Variants in FAM135B observed in about 807,000 individuals in gnomAD.
FAM135B encodes the protein protein FAM135B.
In FAM135B, 43 loss-of-function variants were observed where a neutral mutation model predicts 127.7. That is an observed-to-expected ratio of 0.34 (90% CI 0.26 to 0.43). The LOEUF (loss-of-function observed/expected upper bound fraction) is 0.43. Ranked by LOEUF, FAM135B falls within the 20% of genes least tolerant of loss-of-function variation. The pLI is 1.00. For missense variants in FAM135B, 1,558 were observed against 1,725.6 expected (o/e 0.90, Z 1.72); for synonymous variants, 670 against 665.1 (o/e 1.01, Z -0.11).
At chr8:138,218,784 G>A (rs866419110) in intron 7 of FAM135B, among the ~76,000 whole-genome samples, 1 of 40,738 alleles carries the variant, frequency 2.5e-5, no homozygotes, top group Non-Finnish European at 6.0e-5. Context: ...GAGAGAGAGA[G>A]AGAGAGAGAG....
intron 13 of FAM135B, among the ~76,000 whole-genome samples, chr8:138,149,913 C>A (rs749500836): frequency 3.7e-4 from 57 of 152,296 alleles, no homozygotes; most frequent in Admixed American, 1.0e-3. Context: ...CCTGACCAGG[C>A]AGGCACTGGA....
chr8:138,446,978 T>C (rs937880963), intron 1 of FAM135B, among the ~76,000 whole-genome samples: 2 of 151,798 alleles, frequency 1.3e-5, no homozygotes, highest in South Asian at 2.1e-4. Flanking sequence ...AACAACCCCA[T>C]CAAAAAGTGG....
At chr8:138,338,471 A>G (rs1278405676) in intron 2 of FAM135B, among the ~76,000 whole-genome samples, 5 of 152,046 alleles carry the variant, frequency 3.3e-5, no homozygotes, top group Admixed American at 2.6e-4. Context: ...ACACTTCTCA[A>G]AAGAAGACAT....
rs199916118 is a variant in FAM135B at position 138,265,821 on chromosome 8, G to A, written c.179C>T (p.Ala60Val). 1 of 1,613,662 alleles carries A rather than the reference G, an allele frequency of 6.2e-7. No homozygotes were observed. The highest frequency in any genetic ancestry group is 1.1e-5 in the South Asian group (1 of 91,068). ...GTGCACGGTGCTGTCATGGACACAG[G>A]CTGAATGCAGGCTGCTGCTCTCTGC... ...GQTESSSLHS[A>V]CVHDSTVHSR... Residue 60 changes from alanine (A) to valine (V), a missense_variant, in exon 4 of 20, where the codon GCC (alanine) becomes GTC (valine). Around this residue, in one of 5 missense-constraint regions of FAM135B, gnomAD observed 199 missense variants for 245.7 expected, o/e 0.81. Coordinates refer to ENST00000395297, the MANE Select transcript of FAM135B (RefSeq NM_015912.4).
At chr8:138,478,181 G>T (rs1814602136) in intron 1 of FAM135B, among the ~76,000 whole-genome samples, 1 of 152,022 alleles carries the variant, frequency 6.6e-6, no homozygotes, top group Non-Finnish European at 1.5e-5. Flanking sequence ...GCATCTCAGG[G>T]TCTGTGTACC....
chr8:138,396,524 ATGCC>A (rs1832862606), intron 1 of FAM135B, among the ~76,000 whole-genome samples: 1 of 152,142 alleles, frequency 6.6e-6, no homozygotes, highest in Admixed American at 6.5e-5. Context: ...CTGTGAGCGA[ATGCC>A]TGATAAATAT....
chr8:138,299,452 C>T (rs1825714624), intron 3 of FAM135B, among the ~76,000 whole-genome samples: 1 of 152,120 alleles, frequency 6.6e-6, no homozygotes, highest in Admixed American at 6.5e-5. Context: ...GAACTGACAC[C>T]CACTCACCAG....
chr8:138,478,332 T>G (rs1427018105), intron 1 of FAM135B, among the ~76,000 whole-genome samples: 1 of 152,160 alleles, frequency 6.6e-6, no homozygotes, highest in Admixed American at 6.6e-5. Flanking sequence ...GTCCTTGGAA[T>G]GCCTTTTTCC....
rs1051073904 is a variant in FAM135B, at chr8:138,241,131, C to T, written c.669+1811G>A. 7.2e-5 allele frequency among the ~76,000 whole-genome samples: 11 copies of T among 152,124 alleles called. No individual in the cohort carries two copies. The highest frequency in any genetic ancestry group is 2.1e-4 in the South Asian group (1 of 4,820). The stretch of plus-strand genomic sequence containing the variant: ...ATGTAGTCACAGCAAAGGCTTCGGC[C>T]GACCACGGGGAGCTTTGCCTCAGTG... On this transcript the variant is annotated intron_variant, in intron 7 of 19. Transcript: ENST00000395297. This position sits in a 1 kb window ranked among gnomAD's most constrained non-coding sequence, Gnocchi z 4.8.
chr8:138,145,824 C>G (rs1586592256), intron 15 of FAM135B, 135 bp downstream of exon 15: 1 of 561,972 alleles, frequency 1.8e-6, no homozygotes, highest in Admixed American at 3.3e-5. Flanking sequence ...CCAACCCATC[C>G]AAATGCCTGG....
At chr8:138,424,827 A>C (rs1427348999) in intron 1 of FAM135B, among the ~76,000 whole-genome samples, 1 of 152,158 alleles carries the variant, frequency 6.6e-6, no homozygotes, top group Admixed American at 6.5e-5. Context: ...AACTTTCAGG[A>C]TTCCATTTTG....
At chr8:138,175,209 A>G (rs765911367) in intron 11 of FAM135B, among the ~76,000 whole-genome samples, 3 of 152,096 alleles carry the variant, frequency 2.0e-5, no homozygotes, top group African/African-American at 4.8e-5. Context: ...ACACAATCCA[A>G]AGTCTTTTCC....
chr8:138,384,200 T>C (rs1180556513), intron 1 of FAM135B, among the ~76,000 whole-genome samples: 1 of 152,130 alleles, frequency 6.6e-6, no homozygotes, highest in Non-Finnish European at 1.5e-5. Context: ...CATGCAGGAT[T>C]AGCTTGATGT....
chr8:138,343,917 C>T (rs1049359378), intron 2 of FAM135B, among the ~76,000 whole-genome samples: 2 of 152,168 alleles, frequency 1.3e-5, no homozygotes, highest in Non-Finnish European at 2.9e-5. Context: ...CCTTTCTTTC[C>T]ATGGCCCTTC....
intron 1 of FAM135B, among the ~76,000 whole-genome samples, chr8:138,424,070 G>T (rs1834694581): frequency 6.6e-6 from 1 of 152,076 alleles, no homozygotes; most frequent in African/African-American, 2.4e-5. Context: ...AAGGTGCCCA[G>T]ATTTCATATT....
chr8:138,256,560 T>C, intron 5 of FAM135B, 129 bp downstream of exon 5: 4 of 742,980 alleles, frequency 5.4e-6, no homozygotes, highest in South Asian at 1.8e-5. Context: ...TCAGGGACAT[T>C]GCAGCTTATC....
At chr8:138,136,520 T>C (rs1487486371) in intron 19 of FAM135B, among the ~76,000 whole-genome samples, 1 of 152,178 alleles carries the variant, frequency 6.6e-6, no homozygotes. Context: ...ATGCAGGAAT[T>C]TTTTGTACTG....
Position 138,348,734 on chromosome 8 carries a change from A to T in FAM135B, c.77+19173T>A, listed in dbSNP as rs989537048. On this transcript the variant is annotated intron_variant, in intron 2 of 19. Transcript: ENST00000395297. ...CAGTCTTAGTTCTGGACTTAAGAGA[A>T]ACTAAGAGTGAATCCAATTGATCTT... 1.4e-4 allele frequency among the ~76,000 whole-genome samples: 22 copies of T among 152,252 alleles called. 1 individual carries two copies. The highest frequency in any genetic ancestry group is 1.0e-3 in the Admixed American group (16 of 15,288).
chr8:138,139,174 T>C (rs1816914312), intron 17 of FAM135B, 78 bp from the exon 18 acceptor site: 1 of 822,212 alleles, frequency 1.2e-6, no homozygotes, highest in African/African-American at 1.9e-5. Flanking sequence ...TTTGGTGAGA[T>C]GAACGTTAAA....
Sources: allele counts gnomAD v4.1 joint callset (sites outside exome capture counted in the v4.1 genomes callset), GRCh38; gene constraint gnomAD v4.1.1; regional missense constraint gnomAD v4.1.1; non-coding constraint Gnocchi (gnomAD v3.1); transcripts MANE v1.5; gene names NCBI Gene and HGNC (gene_info 2026-07-23, HGNC 2026-07-21).